The following IL1RAPL2 variants were observed in gnomAD, a reference collection of about 807,000 sequenced individuals.
The protein encoded by IL1RAPL2 is X-linked interleukin-1 receptor accessory protein-like 2.
In IL1RAPL2, 3 loss-of-function variants were observed where a neutral mutation model predicts 44.1. The ratio of observed to expected loss-of-function variants is 0.07; its 90% CI spans 0.03 to 0.18. The LOEUF (loss-of-function observed/expected upper bound fraction) is 0.18, where lower values mean the gene tolerates loss of function less well. Ranked by LOEUF, IL1RAPL2 falls within the 10% of genes least tolerant of loss-of-function variation. The pLI is 1.00. For synonymous variants in IL1RAPL2, 181 were observed against 178.8 expected, an observed-to-expected ratio of 1.01 and a Z score of -0.10; for missense variants, 391 against 496.4, an observed-to-expected ratio of 0.79 and a Z score of 2.02.
Position 105,748,683 on chromosome X carries a change from A to G in IL1RAPL2, c.1049-277A>G, listed in dbSNP as rs767122607. 3.6e-5 allele frequency among the ~76,000 whole-genome samples: 4 copies of G among 112,400 alleles called. 1 individual carries two copies. In the South Asian group the frequency reaches 1.5e-3, roughly 41 times the overall value. ...TGAAATACATTTAGAGCAAAAGCAT[A>G]TATGTGACATCTTAGATGCGTTCAA... On this transcript the variant is annotated intron_variant, in intron 8 of 10. Transcript: ENST00000372582.
intron 2 of IL1RAPL2, among the ~76,000 whole-genome samples, chrX:104,770,056 T>A (rs1207157217): frequency 9.1e-6 from 1 of 110,057 alleles, no homozygotes; most frequent in African/African-American, 3.3e-5. Context: ...ACATCTAGGA[T>A]TTTTTTTTGT....
At chrX:105,501,701 A>G (rs1254791097) in intron 6 of IL1RAPL2, among the ~76,000 whole-genome samples, 2 of 112,000 alleles carry the variant, frequency 1.8e-5, no homozygotes, top group East Asian at 5.6e-4. Flanking sequence ...AATATAATAA[A>G]TAACCACAAA....
intron 6 of IL1RAPL2, among the ~76,000 whole-genome samples, chrX:105,708,118 T>C (rs1371159033): frequency 9.0e-6 from 1 of 111,617 alleles, no homozygotes; most frequent in Non-Finnish European, 1.9e-5. Context: ...GCTTTGCGTT[T>C]CATTTTCTCA....
intron 5 of IL1RAPL2, among the ~76,000 whole-genome samples, chrX:105,275,428 G>A (rs1399140475): frequency 9.0e-6 from 1 of 111,656 alleles, no homozygotes; most frequent in Non-Finnish European, 1.9e-5. Flanking sequence ...TACTTATTTG[G>A]CATTTAGGTT....
intron 2 of IL1RAPL2, among the ~76,000 whole-genome samples, chrX:104,685,844 C>T (rs907853147): frequency 6.4e-5 from 7 of 109,698 alleles, no homozygotes; most frequent in South Asian, 3.9e-4. Flanking sequence ...AGGAGAATGG[C>T]GGGAACTCGA....
chrX:105,371,862 A>G (rs949954027), intron 5 of IL1RAPL2, among the ~76,000 whole-genome samples: 3 of 111,718 alleles, frequency 2.7e-5, no homozygotes, highest in Non-Finnish European at 3.8e-5. Flanking sequence ...ACTAGTCTAG[A>G]CTAGGATATT....
At chrX:105,080,817 GT>G (rs1490553155) in intron 2 of IL1RAPL2, among the ~76,000 whole-genome samples, 1 of 111,583 alleles carries the variant, frequency 9.0e-6, no homozygotes, top group Non-Finnish European at 1.9e-5. Context: ...CAGTATGGCC[GT>G]TTTCATGATA....
intron 6 of IL1RAPL2, among the ~76,000 whole-genome samples, chrX:105,581,197 T>C (rs1036608303): frequency 2.7e-5 from 3 of 111,844 alleles, no homozygotes; most frequent in South Asian, 3.7e-4. Flanking sequence ...AGCCTAAATA[T>C]CACACTAAAA....
At chrX:104,766,668 A>G (rs1175749831) in intron 2 of IL1RAPL2, among the ~76,000 whole-genome samples, 1 of 112,097 alleles carries the variant, frequency 8.9e-6, no homozygotes, top group Non-Finnish European at 1.9e-5. Context: ...ACAGAGACAC[A>G]ATGTGCCCAA....
intron 6 of IL1RAPL2, among the ~76,000 whole-genome samples, chrX:105,670,613 C>T (rs1242827226): frequency 2.4e-5 from 2 of 82,959 alleles, no homozygotes; most frequent in Non-Finnish European, 5.2e-5. Context: ...TTGTCTATAT[C>T]TAAAAAAAAA....
chrX:105,049,004 C>G (rs2031880557), intron 2 of IL1RAPL2, among the ~76,000 whole-genome samples: 1 of 111,622 alleles, frequency 9.0e-6, no homozygotes, highest in South Asian at 3.7e-4. Flanking sequence ...AACATTTCTT[C>G]TTTTTCATTT....
At chrX:105,011,731 G>C (rs537191292) in intron 2 of IL1RAPL2, among the ~76,000 whole-genome samples, 15 of 110,990 alleles carry the variant, frequency 1.4e-4, no homozygotes, top group African/African-American at 4.2e-4. Context: ...ATGTGGGTTT[G>C]TTTCCATTTT....
At chrX:104,788,566 A>G (rs1932810330) in intron 2 of IL1RAPL2, among the ~76,000 whole-genome samples, 1 of 112,048 alleles carries the variant, frequency 8.9e-6, no homozygotes, top group Non-Finnish European at 1.9e-5. Flanking sequence ...TCCTGAAAGC[A>G]GGTTGTGGGG....
At chrX:105,346,000 G>A (rs748060745) in intron 5 of IL1RAPL2, among the ~76,000 whole-genome samples, 4 of 111,423 alleles carry the variant, frequency 3.6e-5, no homozygotes, top group African/African-American at 9.8e-5. Context: ...TTATTTGGAC[G>A]AGGAGTTTAC....
chrX:105,638,905 C>G (rs2037544635), intron 6 of IL1RAPL2, among the ~76,000 whole-genome samples: 1 of 111,639 alleles, frequency 9.0e-6, no homozygotes, highest in South Asian at 3.7e-4. Context: ...TTCCCAGAAT[C>G]ATCCAGGAGT....
intron 5 of IL1RAPL2, among the ~76,000 whole-genome samples, chrX:105,379,492 A>G (rs2035413491): frequency 8.9e-6 from 1 of 111,990 alleles, no homozygotes. Context: ...TAGAAATGGA[A>G]TTTCTTCACA....
At chrX:105,078,321 A>G (rs1304722295) in intron 2 of IL1RAPL2, among the ~76,000 whole-genome samples, 1 of 111,791 alleles carries the variant, frequency 8.9e-6, no homozygotes, top group African/African-American at 3.3e-5. Context: ...TTGCCTGGGT[A>G]TCAGCAGTGG....
intron 2 of IL1RAPL2, among the ~76,000 whole-genome samples, chrX:104,907,792 G>T (rs1924068632): frequency 9.0e-6 from 1 of 110,880 alleles, no homozygotes; most frequent in African/African-American, 3.3e-5. Context: ...GATTTGGGGT[G>T]GAGAGTTCTG....
intron 3 of IL1RAPL2, among the ~76,000 whole-genome samples, chrX:105,213,933 T>A (rs1224280603): frequency 1.8e-5 from 2 of 108,492 alleles, no homozygotes; most frequent in Non-Finnish European, 3.8e-5. Flanking sequence ...GCTGAGGGAT[T>A]TTGTCACCAC....
Sources: gnomAD v4.1 joint callset for allele counts (sites outside exome capture counted in the v4.1 genomes callset) on GRCh38, gnomAD v4.1.1 for gene constraint, MANE v1.5 for transcripts, NCBI Gene and HGNC (gene_info 2026-07-23, HGNC 2026-07-21) for gene names.